The following ZNF91 variants were observed in gnomAD, a reference collection of about 807,000 sequenced individuals.
The protein encoded by ZNF91 is zinc finger protein 91 (HPF7, HTF10).
In ZNF91, 7 loss-of-function variants were observed where a neutral mutation model predicts 12.6. The observed-to-expected ratio is 0.55, with a 90% CI of 0.31 to 1.04. ZNF91 has a LOEUF of 1.04. ZNF91 is among the 50% of genes least tolerant of loss of function. The pLI is 0.05. For synonymous variants in ZNF91, 453 were observed against 462.6 expected (o/e 0.98, Z 0.27); for missense variants, 1,217 against 1,385.4 (o/e 0.88, Z 1.93).
chr19:23,321,563 G>C (rs1967695988), intron 1 of ZNF91, among the ~76,000 whole-genome samples: 1 of 151,994 alleles, frequency 6.6e-6, no homozygotes, highest in Non-Finnish European at 1.5e-5. Flanking sequence ...CCTAGGTTCT[G>C]CCCACAGGGG....
chr19:23,315,024 CCA>C (rs1366456701), upstream of ZNF91, among the ~76,000 whole-genome samples: 2 of 152,166 alleles, frequency 1.3e-5, no homozygotes, highest in Non-Finnish European at 2.9e-5. Flanking sequence ...TGATCTTTAC[CCA>C]CACAGAAAAT....
intron 1 of ZNF91, among the ~76,000 whole-genome samples, chr19:23,376,498 TC>T (rs1969509778): frequency 6.6e-6 from 1 of 151,938 alleles, no homozygotes; most frequent in Non-Finnish European, 1.5e-5. Flanking sequence ...CAAGCAATTC[TC>T]CTGCCTCAGC....
chr19:23,366,077 G>A (rs1042116372), intron 3 of ZNF91, among the ~76,000 whole-genome samples: 6 of 152,286 alleles, frequency 3.9e-5, no homozygotes, highest in South Asian at 2.1e-4. Context: ...TCAATGAGCC[G>A]TTGGGTACAC....
At chr19:23,349,438 C>T (rs967292071) in intron 3 of ZNF91, among the ~76,000 whole-genome samples, 5 of 152,130 alleles carry the variant, frequency 3.3e-5, no homozygotes, top group African/African-American at 9.7e-5. Context: ...CTGGTTCCCC[C>T]GATAGCCAAA....
chr19:23,364,280 T>C (rs1968916651), intron 3 of ZNF91, among the ~76,000 whole-genome samples: 1 of 152,118 alleles, frequency 6.6e-6, no homozygotes, highest in Non-Finnish European at 1.5e-5. Context: ...AAAACCCCTC[T>C]CTACTAAAAA....
chr19:23,322,180 T>A (rs1463314985), intron 1 of ZNF91, among the ~76,000 whole-genome samples: 1 of 152,196 alleles, frequency 6.6e-6, no homozygotes, highest in Non-Finnish European at 1.5e-5. Context: ...TTCCTCTTCT[T>A]CCTGAGCCCT....
chr19:23,353,298 C>T (rs1171589931), downstream of ZNF91, among the ~76,000 whole-genome samples: 2 of 152,040 alleles, frequency 1.3e-5, no homozygotes, highest in African/African-American at 2.4e-5. Flanking sequence ...AATCAACTCC[C>T]AAAGGAACGT....
chr19:23,330,001 T>G (rs889606244), intron 1 of ZNF91, among the ~76,000 whole-genome samples: 4 of 152,186 alleles, frequency 2.6e-5, no homozygotes, highest in African/African-American at 9.6e-5. Flanking sequence ...CCGTGTGAAT[T>G]AGGCCACCAT....
chr19:23,371,404 C>T (rs946201994), intron 3 of ZNF91, among the ~76,000 whole-genome samples: 1 of 151,880 alleles, frequency 6.6e-6, no homozygotes, highest in South Asian at 2.1e-4. Context: ...TAAGCTATAA[C>T]CAAAACTGGG....
intron 1 of ZNF91, chr19:23,385,268 T>G: frequency 3.9e-6 from 2 of 511,080 alleles, no homozygotes; most frequent in Non-Finnish European, 3.5e-6. Context: ...GATGAGGGGC[T>G]GAATGTCACG....
At chr19:23,374,563 A>C in intron 2 of ZNF91, 75 bp downstream of exon 2, 1 of 1,138,246 alleles carries the variant, frequency 8.8e-7, no homozygotes, top group East Asian at 4.0e-5. Context: ...CTGTCTCAAA[A>C]AAAAAAAAAA....
At chr19:23,368,574 G>T (rs1236250569) in intron 3 of ZNF91, among the ~76,000 whole-genome samples, 2 of 86,106 alleles carry the variant, frequency 2.3e-5, no homozygotes, top group African/African-American at 4.2e-5. Context: ...ATATATATAT[G>T]AAACACATGA....
intron 3 of ZNF91, among the ~76,000 whole-genome samples, chr19:23,344,555 A>G (rs1968182960): frequency 1.3e-5 from 2 of 152,136 alleles, no homozygotes; most frequent in Non-Finnish European, 2.9e-5. Context: ...TCCTTTACAT[A>G]CACATCTTTC....
intron 1 of ZNF91, among the ~76,000 whole-genome samples, chr19:23,333,244 A>G (rs970892383): frequency 6.6e-6 from 1 of 152,208 alleles, no homozygotes; most frequent in Admixed American, 6.5e-5. Context: ...GGTAGGCCCA[A>G]CGCCTTGAGA....
rs576108668 is a variant in ZNF91, at chr19:23,342,059, G to T, written c.254-3005C>A. Reference sequence around the variant, plus strand: ...AGCTAGAGAAATAAATGGCTTTTTAGGAAACCTTTCCATGGAAGCAGAGCA... The same window carrying T: ...AGCTAGAGAAATAAATGGCTTTTTATGAAACCTTTCCATGGAAGCAGAGCA... On this transcript the variant is annotated intron_variant, in intron 3 of 3. Transcript: ENST00000599743. The T allele has an allele frequency of 3.1e-5, 10 of 323,488 alleles. No individual in the cohort carries two copies. In the East Asian group the frequency reaches 4.4e-4, roughly 14 times the overall value. 20.0% of individuals were successfully genotyped at this position (323,488 alleles called of 1,614,324 possible). A position where few individuals can be genotyped will look rare whatever the true frequency, so the allele number is the denominator to read the frequency against.
chr19:23,335,997 A>T (rs1176703577), downstream of ZNF91, among the ~76,000 whole-genome samples: 1 of 152,208 alleles, frequency 6.6e-6, no homozygotes, highest in Middle Eastern at 3.2e-3. Flanking sequence ...TAAACTCTTC[A>T]TAAATGATAA....
intron 1 of ZNF91, among the ~76,000 whole-genome samples, chr19:23,323,469 T>C (rs561934802): frequency 1.6e-5 from 2 of 126,022 alleles, no homozygotes; most frequent in East Asian, 5.2e-4. Flanking sequence ...TTCTCTGTCC[T>C]CTTCTCCTCC....
At position 23,360,572 on chromosome 19, in the gene ZNF91, A is replaced by G. The variant is rs1244827452; in HGVS notation, c.2407T>C (p.Cys803Arg). ...TGEKPYKCEE[C>R]GKAFSRSSTL... ...GAGGAACGGCTAAAAGCTTTGCCAC[A>G]TTCTTCACATTTGTAGGGCTTCTCT... The change falls in exon 4 of 4, where the codon TGT (cysteine) becomes CGT (arginine). Residue 803 changes from cysteine to arginine, a missense_variant. Coordinates refer to ENST00000300619, the MANE Select transcript of ZNF91 (RefSeq NM_003430.4). 6.2e-7 allele frequency: 1 copy of G among 1,613,922 alleles called. No homozygotes were observed. Among genetic ancestry groups the G allele is most frequent in the Non-Finnish European group, 8.5e-7 (1 of 1,179,988 alleles).
intron 3 of ZNF91, among the ~76,000 whole-genome samples, chr19:23,342,940 C>A (rs576523972): frequency 2.6e-5 from 4 of 152,220 alleles, no homozygotes; most frequent in African/African-American, 9.6e-5. Flanking sequence ...TGGCCATGGG[C>A]AGAATTGTTA....
Sources: allele counts gnomAD v4.1 joint callset (sites outside exome capture counted in the v4.1 genomes callset), GRCh38; gene constraint gnomAD v4.1.1; transcripts MANE v1.5; gene names NCBI Gene and HGNC (gene_info 2026-07-23, HGNC 2026-07-21).